DYM: variants seen among roughly 807,000 people sequenced by gnomAD.
DYM encodes the protein dyggve-Melchior-Clausen syndrome protein.
A neutral mutation model predicts 93.1 loss-of-function variants in DYM; 78 were observed. That is an observed-to-expected ratio of 0.84 (90% CI 0.70 to 1.01). The LOEUF (loss-of-function observed/expected upper bound fraction) is 1.01, where lower values mean the gene tolerates loss of function less well. Among genes scored for constraint, DYM ranks in the 50% least tolerant of loss-of-function variants. The pLI, the probability that DYM is intolerant of heterozygous loss-of-function variation, is 0.00. For missense variants in DYM, 789 were observed against 845.0 expected (o/e 0.93, Z 0.82); for synonymous variants, 321 against 319.7 (o/e 1.00, Z -0.04).
At chr18:49,258,859 G>GCAC (rs1568120399) in intron 11 of DYM, among the ~76,000 whole-genome samples, 3 of 100,160 alleles carry the variant, frequency 3.0e-5, no homozygotes, top group African/African-American at 1.3e-4. Context: ...GAGAGAGAGA[G>GCAC]AGAGAGAGAG....
intron 13 of DYM, among the ~76,000 whole-genome samples, chr18:49,215,762 A>G (rs1465966044): frequency 2.0e-5 from 3 of 152,246 alleles, no homozygotes; most frequent in African/African-American, 7.2e-5. Flanking sequence ...TACACAAAGA[A>G]GCTGGCAGCC....
intron 17 of DYM, among the ~76,000 whole-genome samples, chr18:49,076,668 A>T (rs1195434795): frequency 1.3e-5 from 2 of 152,362 alleles, no homozygotes; most frequent in East Asian, 3.9e-4. Flanking sequence ...TGGGAACACC[A>T]TAGAGAGGCT....
intron 5 of DYM, 76 bp from the exon 6 acceptor site, chr18:49,363,309 A>G: frequency 9.9e-7 from 1 of 1,011,778 alleles, no homozygotes; most frequent in East Asian, 2.4e-5. Flanking sequence ...TTACATTTTC[A>G]TTCCTAATGA....
At chr18:49,459,537 C>T (rs1247846773) in intron 1 of DYM, among the ~76,000 whole-genome samples, 2 of 152,070 alleles carry the variant, frequency 1.3e-5, no homozygotes, top group Non-Finnish European at 2.9e-5. Context: ...CTCTCCACGG[C>T]CTCCACCCTC....
intron 1 of DYM, among the ~76,000 whole-genome samples, chr18:49,441,292 A>AATT (rs2081562584): frequency 3.3e-4 from 12 of 36,376 alleles, no homozygotes; most frequent in African/African-American, 1.8e-3. Flanking sequence ...AATTATATAT[A>AATT]ATATAATTAT....
At chr18:49,241,083 T>C (rs2093997823) in intron 13 of DYM, among the ~76,000 whole-genome samples, 1 of 152,162 alleles carries the variant, frequency 6.6e-6, no homozygotes, top group African/African-American at 2.4e-5. Context: ...ACAGTGGAAA[T>C]GGCAAATGAT....
chr18:49,445,935 A>G (rs1438893858), intron 1 of DYM, among the ~76,000 whole-genome samples: 1 of 152,192 alleles, frequency 6.6e-6, no homozygotes, highest in African/African-American at 2.4e-5. Context: ...TATAAAAGCT[A>G]AACACTATAT....
At chr18:49,384,931 A>G (rs2068441019) in intron 3 of DYM, among the ~76,000 whole-genome samples, 1 of 152,004 alleles carries the variant, frequency 6.6e-6, no homozygotes, top group South Asian at 2.1e-4. Flanking sequence ...AAAGAAAAAA[A>G]AAAACCTTCT....
intron 17 of DYM, among the ~76,000 whole-genome samples, chr18:49,081,559 G>C (rs1463270993): frequency 6.5e-4 from 55 of 85,106 alleles, no homozygotes; most frequent in African/African-American, 1.8e-3. Context: ...GGAGAGGGGA[G>C]AGGGGAGAGG....
intron 6 of DYM, among the ~76,000 whole-genome samples, chr18:49,362,112 T>C (rs1260661224): frequency 1.3e-5 from 2 of 151,160 alleles, no homozygotes; most frequent in Non-Finnish European, 2.9e-5. Flanking sequence ...ACAATACACC[T>C]GCCTCAGGCT....
intron 13 of DYM, among the ~76,000 whole-genome samples, chr18:49,236,616 G>C (rs1232565616): frequency 1.3e-5 from 2 of 152,146 alleles, no homozygotes; most frequent in Non-Finnish European, 2.9e-5. Context: ...TTTATAAATG[G>C]CAAGATTCAG....
At chr18:49,414,935 G>A (rs948223331) in intron 2 of DYM, among the ~76,000 whole-genome samples, 1 of 152,056 alleles carries the variant, frequency 6.6e-6, no homozygotes, top group Non-Finnish European at 1.5e-5. Flanking sequence ...ACAGTCCCTA[G>A]CAACTAGAAG....
intron 14 of DYM, among the ~76,000 whole-genome samples, chr18:49,186,719 T>C (rs2090465081): frequency 1.3e-5 from 2 of 152,164 alleles, no homozygotes; most frequent in Non-Finnish European, 2.9e-5. Flanking sequence ...ATGTGAATTC[T>C]AACAAACTTT....
At chr18:49,391,438 C>T in intron 3 of DYM, 155 bp downstream of exon 3, 1 of 737,024 alleles carries the variant, frequency 1.4e-6, no homozygotes, top group Non-Finnish European at 2.4e-6. Context: ...CTGAAGGGTA[C>T]CTTCTAGCAG....
intron 15 of DYM, among the ~76,000 whole-genome samples, chr18:49,129,303 A>T (rs984613844): frequency 2.0e-5 from 3 of 151,856 alleles, no homozygotes; most frequent in Non-Finnish European, 4.4e-5. Flanking sequence ...CCTGGACTTC[A>T]GTTTCCGTGT....
intron 6 of DYM, among the ~76,000 whole-genome samples, chr18:49,353,593 G>A (rs1210085066): frequency 6.6e-6 from 1 of 151,696 alleles, no homozygotes; most frequent in Non-Finnish European, 1.5e-5. Flanking sequence ...ATATAGCAAG[G>A]GAAAAGGTGC....
intron 8 of DYM, among the ~76,000 whole-genome samples, chr18:49,296,586 T>A (rs1476182044): frequency 2.6e-5 from 4 of 151,906 alleles, no homozygotes; most frequent in African/African-American, 4.8e-5. Context: ...GTTACCTAAA[T>A]GTCATGACTA....
intron 17 of DYM, among the ~76,000 whole-genome samples, chr18:49,063,484 G>C (rs572499369): frequency 6.6e-6 from 1 of 151,896 alleles, no homozygotes; most frequent in Non-Finnish European, 1.5e-5. Flanking sequence ...CTGTTGGGGG[G>C]ACCATGTTCT....
intron 17 of DYM, among the ~76,000 whole-genome samples, chr18:49,088,904 G>C (rs1490905805): frequency 2.0e-5 from 3 of 152,152 alleles, no homozygotes. Flanking sequence ...CGATCCTCCT[G>C]CCTTAGCCCC....
Sources: allele counts gnomAD v4.1 joint callset (sites outside exome capture counted in the v4.1 genomes callset), GRCh38; gene constraint gnomAD v4.1.1; transcripts MANE v1.5; gene names NCBI Gene and HGNC (gene_info 2026-07-23, HGNC 2026-07-21).